Variants in ECHDC1 observed in about 807,000 individuals in gnomAD.
ECHDC1 encodes ethylmalonyl-CoA decarboxylase 1.
A neutral mutation model predicts 29.7 loss-of-function variants in ECHDC1; 29 were observed. The observed-to-expected ratio is 0.98, with a 90% CI of 0.73 to 1.33. The LOEUF (loss-of-function observed/expected upper bound fraction) is 1.33, where lower values mean the gene tolerates loss of function less well. ECHDC1 is among the 40% of genes most tolerant of loss of function. ECHDC1 has a pLI of 0.00. For synonymous variants in ECHDC1, 126 were observed against 123.1 expected, an observed-to-expected ratio of 1.02 and a Z score of -0.15; for missense variants, 328 against 350.0, an observed-to-expected ratio of 0.94 and a Z score of 0.50.
At chr6:127,341,925 T>C (rs1406000144) in intron 1 of ECHDC1, among the ~76,000 whole-genome samples, 1 of 152,272 alleles carries the variant, frequency 6.6e-6, no homozygotes, top group Non-Finnish European at 1.5e-5. Context: ...GATTCGGTTG[T>C]AGGCTGTCAT....
intron 5 of ECHDC1, 95 bp from the exon 6 acceptor site, chr6:127,290,372 A>G (rs1184081113): frequency 2.4e-6 from 3 of 1,249,294 alleles, no homozygotes; most frequent in Non-Finnish European, 3.3e-6. Flanking sequence ...AATTCTCCAT[A>G]GATCTTTATA....
At chr6:127,313,598 C>T (rs1562317643) in intron 5 of ECHDC1, 3 of 455,732 alleles carry the variant, frequency 6.6e-6, no homozygotes, top group Non-Finnish European at 1.3e-5. Flanking sequence ...GAAACTGAGA[C>T]AAAAAGTTTA....
intron 5 of ECHDC1, among the ~76,000 whole-genome samples, chr6:127,310,770 T>G (rs1015796345): frequency 1.2e-4 from 19 of 152,226 alleles, no homozygotes; most frequent in African/African-American, 4.6e-4. Context: ...CAGCACTGCA[T>G]GCTACACAGA....
intron 4 of ECHDC1, 139 bp downstream of exon 4, chr6:127,316,311 G>A (rs1259079345): frequency 4.6e-6 from 3 of 650,672 alleles, no homozygotes; most frequent in African/African-American, 1.9e-5. Flanking sequence ...ATCCTCTACG[G>A]CACAAAAAAA....
Position 127,334,546 on chromosome 6 carries a change from C to T in ECHDC1, c.-2-3516G>A, listed in dbSNP as rs186298329. Among the ~76,000 whole-genome samples the T allele has an allele frequency of 2.0e-5, 3 of 152,216 alleles. No individual in the cohort carries two copies. The East Asian group carries it at 5.8e-4, about 29-fold the overall frequency. On this transcript the variant is annotated intron_variant, in intron 1 of 5. Coordinates refer to ENST00000454859, the MANE Select transcript of ECHDC1 (RefSeq NM_001002030.2). ...AGGACATTTCAAATTTAAGGTTTCT[C>T]AGTAGCTGTCTACCAAAAGGATCAA...
chr6:127,331,079 C>T, intron 1 of ECHDC1, 49 bp from the exon 2 acceptor site: 1 of 1,411,952 alleles, frequency 7.1e-7, no homozygotes, highest in Middle Eastern at 1.9e-4. Context: ...TAGGCACTCA[C>T]TTTTCTAATA....
chr6:127,334,604 C>A (rs112500790), intron 1 of ECHDC1, among the ~76,000 whole-genome samples: 1 of 152,050 alleles, frequency 6.6e-6, no homozygotes, highest in Non-Finnish European at 1.5e-5. Flanking sequence ...TTACCTAAAT[C>A]CTGAATCTCT....
chr6:127,320,435 T>C (rs1409016247), intron 3 of ECHDC1, among the ~76,000 whole-genome samples: 1 of 152,180 alleles, frequency 6.6e-6, no homozygotes, highest in Non-Finnish European at 1.5e-5. Context: ...GAACAATAGA[T>C]TGGGAGAAAA....
chr6:127,324,796 C>T (rs1309107271), intron 3 of ECHDC1, among the ~76,000 whole-genome samples: 2 of 151,998 alleles, frequency 1.3e-5, no homozygotes, highest in Non-Finnish European at 2.9e-5. Flanking sequence ...ATTTGAGCAA[C>T]AAAATGAATA....
chr6:127,319,636 T>C (rs1782676239), intron 3 of ECHDC1, among the ~76,000 whole-genome samples: 1 of 152,166 alleles, frequency 6.6e-6, no homozygotes, highest in Non-Finnish European at 1.5e-5. Context: ...GTAAGAGATA[T>C]CTGTGATAGA....
intron 3 of ECHDC1, among the ~76,000 whole-genome samples, chr6:127,323,800 C>T (rs1490354994): frequency 6.6e-6 from 1 of 151,960 alleles, no homozygotes; most frequent in Admixed American, 6.6e-5. Context: ...TCCTTCCTTT[C>T]TTTTCTTTTC....
intron 5 of ECHDC1, among the ~76,000 whole-genome samples, chr6:127,302,460 C>T (rs1284889096): frequency 2.0e-5 from 3 of 151,818 alleles, no homozygotes; most frequent in Admixed American, 1.3e-4. Context: ...AGTGCAGTGC[C>T]GCCATCTCAG....
chr6:127,298,076 A>G (rs1466047541), intron 5 of ECHDC1, among the ~76,000 whole-genome samples: 3 of 152,154 alleles, frequency 2.0e-5, no homozygotes, highest in African/African-American at 4.8e-5. Flanking sequence ...ACAGTACAAT[A>G]CTTTATTTAC....
rs769561648 is a variant in ECHDC1 at position 127,327,174 on chromosome 6, A to C, written c.221-30T>G. The C allele has an allele frequency of 1.9e-6, 3 of 1,609,412 alleles. No homozygotes were observed. In the African/African-American group the frequency reaches 4.0e-5, roughly 22 times the overall value. ...CAGAGATGGAAGTGGGAAATCACAA[A>C]TATATGAAGGTGACTGGAAAAACAG... On this transcript the variant is annotated intron_variant, in intron 2 of 5. Coordinates refer to ENST00000454859, the MANE Select transcript of ECHDC1 (RefSeq NM_001002030.2).
At chr6:127,304,838 T>C (rs1438572635) in intron 5 of ECHDC1, among the ~76,000 whole-genome samples, 1 of 152,104 alleles carries the variant, frequency 6.6e-6, no homozygotes, top group African/African-American at 2.4e-5. Context: ...TTAGTGAGCT[T>C]GAAGACAGGC....
At chr6:127,327,497 T>A (rs980776038) in intron 2 of ECHDC1, among the ~76,000 whole-genome samples, 1 of 152,188 alleles carries the variant, frequency 6.6e-6, no homozygotes, top group African/African-American at 2.4e-5. Context: ...AGATAAGACA[T>A]AGACCTGACT....
chr6:127,333,588 T>C (rs1258902211), intron 1 of ECHDC1, among the ~76,000 whole-genome samples: 3 of 151,740 alleles, frequency 2.0e-5, no homozygotes, highest in Admixed American at 2.0e-4. Context: ...ATTTTGCAAG[T>C]TGGTTCTTTA....
chr6:127,313,696 G>C (rs1782131297), intron 5 of ECHDC1: 1 of 406,384 alleles, frequency 2.5e-6, no homozygotes, highest in Admixed American at 2.9e-5. Context: ...GCAAGGCCAG[G>C]GTTAGCCCAG....
At chr6:127,330,125 A>G (rs1260567785) in intron 2 of ECHDC1, among the ~76,000 whole-genome samples, 1 of 152,230 alleles carries the variant, frequency 6.6e-6, no homozygotes, top group African/African-American at 2.4e-5. Flanking sequence ...TGAGTATTCA[A>G]CAAGGCTACT....
Sources: gnomAD v4.1 joint callset for allele counts (sites outside exome capture counted in the v4.1 genomes callset) on GRCh38, gnomAD v4.1.1 for gene constraint, MANE v1.5 for transcripts, NCBI Gene and HGNC (gene_info 2026-07-23, HGNC 2026-07-21) for gene names.